ZSCAN5A: variants seen among roughly 807,000 people sequenced by gnomAD.
The protein encoded by ZSCAN5A is zinc finger and SCAN domain containing 5A, also known as zinc finger and SCAN domain-containing protein 5A.
A neutral mutation model predicts 23.7 loss-of-function variants in ZSCAN5A; 12 were observed. The ratio of observed to expected loss-of-function variants is 0.51; its 90% CI spans 0.32 to 0.82. ZSCAN5A has a LOEUF of 0.82. ZSCAN5A is among the 40% of genes least tolerant of loss of function. ZSCAN5A has a pLI of 0.03. For synonymous variants in ZSCAN5A, 257 were observed against 239.9 expected, an observed-to-expected ratio of 1.07 and a Z score of -0.66; for missense variants, 597 against 617.9, an observed-to-expected ratio of 0.97 and a Z score of 0.36.
chr19:56,360,334 AGAAAATAAAAC>A (rs1366370299), intron 2 of ZSCAN5A, among the ~76,000 whole-genome samples: 7 of 152,216 alleles, frequency 4.6e-5, no homozygotes, highest in African/African-American at 1.7e-4. Flanking sequence ...ATTGCCACAG[AGAAAATAAAAC>A]ACCTAGAAAT....
upstream of ZSCAN5A, chr19:56,315,053 T>G (rs1568745978): frequency 6.6e-6 from 1 of 152,154 alleles, no homozygotes; most frequent in Non-Finnish European, 1.5e-5. Flanking sequence ...CATTTTATTC[T>G]AAGCTGCTTT....
At chr19:56,228,117 AT>A in intron 2 of ZSCAN5A, 2 of 497,370 alleles carry the variant, frequency 4.0e-6, no homozygotes, top group Non-Finnish European at 5.2e-6. Flanking sequence ...AGAGTTAATC[AT>A]GGGGTGCAAA....
At chr19:56,294,334 G>A (rs1352644775) in intron 2 of ZSCAN5A, among the ~76,000 whole-genome samples, 2 of 152,224 alleles carry the variant, frequency 1.3e-5, no homozygotes, top group Non-Finnish European at 2.9e-5. Context: ...GAGTTTTAAG[G>A]CAAAGAGGCC....
At chr19:56,271,984 C>A (rs2037881596) in intron 2 of ZSCAN5A, among the ~76,000 whole-genome samples, 1 of 152,140 alleles carries the variant, frequency 6.6e-6, no homozygotes, top group Admixed American at 6.5e-5. Context: ...TTAATGGCTA[C>A]AACAGTACAA....
intron 2 of ZSCAN5A, among the ~76,000 whole-genome samples, chr19:56,241,817 ACTT>A (rs1264958896): frequency 5.3e-5 from 8 of 151,940 alleles, no homozygotes; most frequent in Admixed American, 2.0e-4. Flanking sequence ...CATGTCATCT[ACTT>A]CTTTTTTAAT....
In ZSCAN5A at chr19:56,343,158, C is replaced by T. The variant is rs893503928; in HGVS notation, c.-358+20077G>A. ...TGCCTAAAATGGTCCTTTATTTCAT[C>T]TCTAATTGCTTTATTGAAACTAACT... is the stretch of plus-strand genomic sequence containing the variant. On this transcript the variant is annotated intron_variant, in intron 2 of 6. Transcript: ENST00000587340. The T allele has an allele frequency of 1.8e-5, 13 of 719,962 alleles. No homozygotes were observed. In the East Asian group the frequency reaches 3.2e-4, roughly 18 times the overall value. 44.6% of individuals were successfully genotyped at this position (719,962 alleles called of 1,614,324 possible).
At chr19:56,323,772 G>C (rs2041405901) in intron 2 of ZSCAN5A, among the ~76,000 whole-genome samples, 1 of 151,544 alleles carries the variant, frequency 6.6e-6, no homozygotes, top group African/African-American at 2.4e-5. Flanking sequence ...CTGACCTCAG[G>C]TGATCCACCC....
At chr19:56,226,421 G>A (rs1430599591) in intron 2 of ZSCAN5A, among the ~76,000 whole-genome samples, 4 of 152,196 alleles carry the variant, frequency 2.6e-5, no homozygotes, top group Non-Finnish European at 1.5e-5. Flanking sequence ...CGCCTGTGTG[G>A]ACATCTCAGA....
chr19:56,360,702 T>C (rs573177897), intron 2 of ZSCAN5A, among the ~76,000 whole-genome samples: 43 of 151,776 alleles, frequency 2.8e-4, no homozygotes, highest in Non-Finnish European at 4.6e-4. Flanking sequence ...TAAAGACTTA[T>C]ATGTAAAAAA....
chr19:56,282,547 G>C, intron 2 of ZSCAN5A: 4 of 979,322 alleles, frequency 4.1e-6, no homozygotes, highest in Non-Finnish European at 3.6e-6. Context: ...GTTTGCCTTT[G>C]TCCAAAAGGG....
intron 2 of ZSCAN5A, chr19:56,338,374 A>G (rs1319945053): frequency 2.6e-5 from 4 of 152,182 alleles, no homozygotes; most frequent in African/African-American, 9.7e-5. Flanking sequence ...TGGGAGCAAG[A>G]TGCATCCATG....
chr19:56,287,631 G>A (rs978089659), intron 2 of ZSCAN5A, among the ~76,000 whole-genome samples: 1 of 152,114 alleles, frequency 6.6e-6, no homozygotes, highest in Non-Finnish European at 1.5e-5. Flanking sequence ...AGTACCAATC[G>A]AATGTAGCCA....
chr19:56,230,330 C>A (rs953759510), intron 2 of ZSCAN5A, among the ~76,000 whole-genome samples: 1 of 152,052 alleles, frequency 6.6e-6, no homozygotes, highest in Non-Finnish European at 1.5e-5. Context: ...GTGATCCACC[C>A]GCCTCGGCCT....
At chr19:56,291,953 T>C (rs2147161408) in intron 2 of ZSCAN5A, among the ~76,000 whole-genome samples, 1 of 152,294 alleles carries the variant, frequency 6.6e-6, no homozygotes, top group South Asian at 2.1e-4. Context: ...GTGTTATGTG[T>C]AGTTATTCCC....
rs369353937 is a variant in ZSCAN5A at position 56,277,968 on chromosome 19, G to A, written c.-128+35315C>T. Among the ~76,000 whole-genome samples the A allele has an allele frequency of 1.4e-3, 211 of 152,202 alleles. 4 individuals carry two copies. The South Asian group carries it at 0.03, about 22-fold the overall frequency. On this transcript the variant is annotated intron_variant, in intron 2 of 5. Transcript: ENST00000683990. ...ACTGACATAAATAAAATGTTTTAGT[G>A]AAATGGCTGTTTCCAAACCAAAAAA...
intron 2 of ZSCAN5A, among the ~76,000 whole-genome samples, chr19:56,290,410 C>T (rs1432790710): frequency 6.6e-6 from 1 of 152,362 alleles, no homozygotes. Flanking sequence ...TATTTACTGT[C>T]TGACCCTTTA....
intron 2 of ZSCAN5A, among the ~76,000 whole-genome samples, chr19:56,273,107 T>C (rs2037973234): frequency 6.6e-6 from 1 of 152,162 alleles, no homozygotes; most frequent in Admixed American, 6.5e-5. Flanking sequence ...CCCCTGCCCT[T>C]GGAGATACAC....
intron 2 of ZSCAN5A, chr19:56,322,419 G>A (rs1047312665): frequency 3.3e-6 from 2 of 609,628 alleles, no homozygotes; most frequent in Non-Finnish European, 5.9e-6. Context: ...CCAGGAGGCG[G>A]GCGACCCCGC....
At chr19:56,223,539 G>A (rs117985261) in intron 4 of ZSCAN5A, 92 bp downstream of exon 4, 28,586 of 1,333,862 alleles carry the variant, frequency 0.021, 389 homozygotes, top group Non-Finnish European at 0.024. Context: ...ATCTTGTCCT[G>A]TGTCAAATCT....
Sources: allele counts gnomAD v4.1 joint callset (sites outside exome capture counted in the v4.1 genomes callset), GRCh38; gene constraint gnomAD v4.1.1; transcripts MANE v1.5; gene names NCBI Gene and HGNC (gene_info 2026-07-23, HGNC 2026-07-21).